The following GLT1D1 variants were observed in gnomAD, a reference collection of about 807,000 sequenced individuals.
GLT1D1 encodes the protein glycosyltransferase 1 domain-containing protein 1.
Under a neutral mutation model 28.7 loss-of-function variants are expected in GLT1D1, and 21 were observed. The observed-to-expected ratio is 0.73, with a 90% CI of 0.52 to 1.05. The LOEUF is 1.05. Among genes scored for constraint, GLT1D1 ranks in the 50% least tolerant of loss-of-function variants. The probability of loss-of-function intolerance (pLI) is 0.00; values close to 1 mark genes in which losing one functional copy is unlikely to be tolerated. For synonymous variants in GLT1D1, 147 were observed against 124.8 expected (o/e 1.18, Z -1.19); for missense variants, 343 against 330.6 (o/e 1.04, Z -0.29).
chr12:128,940,652 A>G (rs1207440812), intron 4 of GLT1D1, among the ~76,000 whole-genome samples: 1 of 152,216 alleles, frequency 6.6e-6, no homozygotes, highest in Non-Finnish European at 1.5e-5. Context: ...CAAGTGTGTT[A>G]TTAGCCTTCA....
intron 7 of GLT1D1, among the ~76,000 whole-genome samples, chr12:128,963,574 G>A (rs1878171226): frequency 6.6e-6 from 1 of 152,208 alleles, no homozygotes; most frequent in Admixed American, 6.5e-5. Context: ...TAAACCCGGG[G>A]GGTGGAGGTT....
chr12:128,922,346 C>G (rs1205511465), intron 4 of GLT1D1, among the ~76,000 whole-genome samples: 1 of 152,136 alleles, frequency 6.6e-6, no homozygotes, highest in African/African-American at 2.4e-5. Context: ...CCTCATCAAA[C>G]TTTCACTTGC....
intron 2 of GLT1D1, 151 bp downstream of exon 2, chr12:128,876,213 G>C (rs1956867685): frequency 3.0e-6 from 2 of 670,380 alleles, no homozygotes; most frequent in Non-Finnish European, 4.8e-6. Context: ...CTTTCTTAAT[G>C]CACAATTTTC....
chr12:128,861,941 T>C (rs994222397), intron 1 of GLT1D1, among the ~76,000 whole-genome samples: 1 of 152,224 alleles, frequency 6.6e-6, no homozygotes, highest in Non-Finnish European at 1.5e-5. Context: ...TGAATGCAGA[T>C]GAAGTTCAGA....
At chr12:128,942,767 T>TTTTTC in intron 4 of GLT1D1, among the ~76,000 whole-genome samples, 1 of 148,884 alleles carries the variant, frequency 6.7e-6, no homozygotes, top group African/African-American at 2.5e-5. Flanking sequence ...TTTTTTTTTT[T>TTTTTC]TGAGACAGAG....
intron 6 of GLT1D1, among the ~76,000 whole-genome samples, chr12:128,953,811 T>G (rs1386906393): frequency 6.6e-6 from 1 of 151,686 alleles, no homozygotes; most frequent in African/African-American, 2.4e-5. Context: ...AGTGACGCAA[T>G]CTCGGCTCAC....
chr12:128,881,733 A>T (rs1412190282), intron 2 of GLT1D1, among the ~76,000 whole-genome samples: 3 of 149,792 alleles, frequency 2.0e-5, no homozygotes, highest in Non-Finnish European at 4.4e-5. Flanking sequence ...CTTTGGATGC[A>T]GAGATACTGC....
At chr12:128,863,693 A>G (rs561915836) in intron 1 of GLT1D1, among the ~76,000 whole-genome samples, 30 of 152,062 alleles carry the variant, frequency 2.0e-4, no homozygotes, top group Admixed American at 1.8e-3. Flanking sequence ...TAATTTCTTT[A>G]TGGTCAGGTT....
At chr12:128,969,199 T>C (rs111364474) in intron 7 of GLT1D1, among the ~76,000 whole-genome samples, 3 of 129,346 alleles carry the variant, frequency 2.3e-5, no homozygotes, top group African/African-American at 1.3e-4. Context: ...TAGCCTTCCT[T>C]CCTCTCAGTC....
chr12:128,944,824 T>A, intron 4 of GLT1D1: 1 of 230,934 alleles, frequency 4.3e-6, no homozygotes, highest in Non-Finnish European at 8.5e-6. Flanking sequence ...ATATATAAAG[T>A]TCTGGGGTAC....
chr12:128,931,615 T>A (rs1049804741), intron 4 of GLT1D1, among the ~76,000 whole-genome samples: 3 of 152,130 alleles, frequency 2.0e-5, no homozygotes, highest in African/African-American at 7.2e-5. Context: ...GCCCCCCTTT[T>A]ACTACTTCTC....
intron 1 of GLT1D1, among the ~76,000 whole-genome samples, chr12:128,855,720 G>A (rs533918257): frequency 6.3e-4 from 94 of 148,064 alleles, no homozygotes; most frequent in African/African-American, 2.2e-3. Context: ...TCCATAGACA[G>A]AGCAGCCCCA....
chr12:128,952,460 A>ACTTT, intron 6 of GLT1D1, among the ~76,000 whole-genome samples: 1 of 78,704 alleles, frequency 1.3e-5, no homozygotes, highest in Non-Finnish European at 2.3e-5. Flanking sequence ...TGAAAAGGGA[A>ACTTT]ATTTCTTTCT....
At chr12:128,961,654 C>T (rs186167884) in intron 7 of GLT1D1, among the ~76,000 whole-genome samples, 1 of 152,300 alleles carries the variant, frequency 6.6e-6, no homozygotes, top group Admixed American at 6.5e-5. Context: ...TGTCCCAGCT[C>T]AAGAAGCAGG....
chr12:128,893,666 A>G (rs1188661888), intron 3 of GLT1D1, among the ~76,000 whole-genome samples: 2 of 152,098 alleles, frequency 1.3e-5, no homozygotes, highest in African/African-American at 2.4e-5. Context: ...GCTCACTGCA[A>G]CTTCCACCTC....
chr12:128,857,485 A>T (rs1378621071), intron 1 of GLT1D1, among the ~76,000 whole-genome samples: 3 of 152,224 alleles, frequency 2.0e-5, no homozygotes, highest in Non-Finnish European at 4.4e-5. Flanking sequence ...AGAAAAAAGC[A>T]GAAGTTGCTT....
At chr12:128,962,847 G>A (rs1016848939) in intron 7 of GLT1D1, among the ~76,000 whole-genome samples, 3 of 152,044 alleles carry the variant, frequency 2.0e-5, no homozygotes, top group Non-Finnish European at 4.4e-5. Context: ...GACTACAGGT[G>A]TGCGCCACCA....
At chr12:128,881,002 A>C (rs960774913) in intron 2 of GLT1D1, among the ~76,000 whole-genome samples, 1 of 147,050 alleles carries the variant, frequency 6.8e-6, no homozygotes, top group African/African-American at 2.5e-5. Context: ...AGACGGGCGG[A>C]TCACGAGGTC....
chr12:128,946,230 C>G (rs1404145177), intron 5 of GLT1D1, among the ~76,000 whole-genome samples: 2 of 152,152 alleles, frequency 1.3e-5, no homozygotes, highest in African/African-American at 4.8e-5. Context: ...TTTACATTGT[C>G]TGGTGAAAAA....
Sources: allele counts gnomAD v4.1 joint callset (sites outside exome capture counted in the v4.1 genomes callset), GRCh38; gene constraint gnomAD v4.1.1; transcripts MANE v1.5; gene names NCBI Gene and HGNC (gene_info 2026-07-23, HGNC 2026-07-21).